Variants in SLC9A5 observed in about 807,000 individuals in gnomAD.
SLC9A5 encodes the protein solute carrier family 9 member A5, also known as sodium/hydrogen exchanger 5.
A neutral mutation model predicts 91.7 loss-of-function variants in SLC9A5; 52 were observed. The observed-to-expected ratio is 0.57, with a 90% CI of 0.45 to 0.71. The LOEUF is 0.71. Among genes scored for constraint, SLC9A5 ranks in the 30% least tolerant of loss-of-function variants. The pLI is 0.00. For missense variants in SLC9A5, 871 were observed against 1,158.9 expected (o/e 0.75, Z 3.61); for synonymous variants, 419 against 474.5 (o/e 0.88, Z 1.52).
intron 12 of SLC9A5, chr16:67,262,049 G>A: frequency 3.0e-6 from 1 of 331,148 alleles, no homozygotes; most frequent in South Asian, 2.4e-5. Context: ...ATAAGTTTGT[G>A]TGTATCCTGT....
chr16:67,256,766 C>A lies in SLC9A5; in HGVS notation c.1132+77C>A. On this transcript the variant is annotated intron_variant, in intron 6 of 15. Coordinates refer to ENST00000299798, the MANE Select transcript of SLC9A5 (RefSeq NM_004594.3). This position sits in a 1 kb window ranked among gnomAD's most constrained non-coding sequence, Gnocchi z 4.1. ...CTGCAGCTCATCTCCCTATCTGAGT[C>A]CACATCTTTGTCAATTCCTAAGCCT... 2 of 1,367,508 alleles carry A rather than the reference C, an allele frequency of 1.5e-6. No homozygotes were observed. Among genetic ancestry groups the A allele is most frequent in the South Asian group, 1.2e-5 (1 of 85,466 alleles). 84.7% of individuals were successfully genotyped at this position (1,367,508 alleles called of 1,614,324 possible).
At position 67,270,800 on chromosome 16, in the gene SLC9A5, G is replaced by C. The variant is rs779044084; in HGVS notation, c.2281G>C (p.Glu761Gln). ...CCCCTCCCCAACCTGTGCAGAAAAG[G>C]AGCTCCCCTGGAAGAGTGGGCAGGG... is the stretch of plus-strand genomic sequence containing the variant. ...IPPSPTCAEK[E>Q]LPWKSGQGDL... Residue 761 changes from glutamate to glutamine, a missense_variant, in exon 16 of 16, where the codon GAG (glutamate) becomes CAG (glutamine). Physicochemically the swap from Glu to Gln is conservative, Grantham distance 29. Coordinates refer to ENST00000299798, the MANE Select transcript of SLC9A5 (RefSeq NM_004594.3). The surrounding 1 kb of genome is among the most constrained non-coding windows in gnomAD (Gnocchi z 4.3). 1 of 1,614,062 alleles carries C rather than the reference G, an allele frequency of 6.2e-7. No individual in the cohort carries two copies. The highest frequency in any genetic ancestry group is 8.5e-7 in the Non-Finnish European group (1 of 1,179,968).
In SLC9A5 at chr16:67,271,222, G is replaced by A. The variant is rs756795558; in HGVS notation, c.*12G>A. 12 of 1,602,620 alleles carry A rather than the reference G, an allele frequency of 7.5e-6. No homozygotes were observed. The highest frequency in any genetic ancestry group is 2.2e-5 in the South Asian group (2 of 90,284). Reference sequence around the variant, plus strand: ...GCAGCCGGCTGTAGCTCAAGGCCTCGGGGAGGAGCAGGAGGTGGAATCCCT... The same window carrying A: ...GCAGCCGGCTGTAGCTCAAGGCCTCAGGGAGGAGCAGGAGGTGGAATCCCT... On this transcript the variant is annotated 3_prime_UTR_variant, in exon 16 of 16. Transcript: ENST00000299798.
intron 12 of SLC9A5, 69 bp from the exon 13 acceptor site, chr16:67,264,283 T>C (rs539608325): frequency 4.3e-6 from 6 of 1,401,454 alleles, no homozygotes; most frequent in African/African-American, 1.4e-5. Flanking sequence ...ATGTTGGGGC[T>C]GTGGCCTGGG....
rs1054639404 is a variant in SLC9A5 at position 67,257,735 on chromosome 16, T to C, written c.1496+134T>C. On this transcript the variant is annotated intron_variant, in intron 9 of 15. Transcript: ENST00000299798. The surrounding 1 kb of genome is among the most constrained non-coding windows in gnomAD (Gnocchi z 5.1). ...GTGACCTCTGCCTGAAGCCCTTCAG[T>C]GGCATCCCAGTGCTCTCAGGTTAAG... 2.3e-6 allele frequency: 2 copies of C among 878,608 alleles called. No homozygotes were observed. The highest frequency in any genetic ancestry group is 4.1e-5 in the Admixed American group (2 of 48,266). The allele number at this position is 878,608 out of a possible 1,614,324, so 54.4% of individuals were successfully genotyped here. A position where few individuals can be genotyped will look rare whatever the true frequency, so the allele number is the denominator to read the frequency against.
chr16:67,258,485 GGCAGATGGTCA>G lies in SLC9A5; in HGVS notation c.1626+44_1626+54del. On this transcript the variant is annotated intron_variant, in intron 10 of 15. Transcript: ENST00000299798. The surrounding 1 kb of genome is among the most constrained non-coding windows in gnomAD (Gnocchi z 4.5). Reference sequence around the variant, plus strand: ...CTTCCAGGTGGGCCAGTGGTGGGTGGGCAGATGGTCAGCAGAGCAGGACAGAAAGGGGTGGC... The same window carrying G: ...CTTCCAGGTGGGCCAGTGGTGGGTGGGCAGAGCAGGACAGAAAGGGGTGGC... 1 of 1,613,202 alleles carries G rather than the reference GGCAGATGGTCA, an allele frequency of 6.2e-7. No homozygotes were observed. The highest frequency in any genetic ancestry group is 1.1e-5 in the South Asian group (1 of 91,052).
At position 67,258,421 on chromosome 16, in the gene SLC9A5, C is replaced by A. The variant is rs756859968; in HGVS notation, c.1600C>A (p.Arg534=). 6.2e-7 allele frequency: 1 copy of A among 1,614,046 alleles called. No homozygotes were observed. The highest frequency in any genetic ancestry group is 1.7e-5 in the Admixed American group (1 of 60,006). The change falls in exon 10 of 16, where the codon CGG becomes AGG. Residue 534 remains arginine (R), a synonymous_variant. Coordinates refer to ENST00000299798, the MANE Select transcript of SLC9A5 (RefSeq NM_004594.3). This position sits in a 1 kb window ranked among gnomAD's most constrained non-coding sequence, Gnocchi z 4.5. The part of the protein sequence containing the change: ...IWDVYYRLNI[R]DAISFVDQGG... Reference sequence around the variant, plus strand: ...GGATGTGTACTACAGGCTTAACATCCGGGATGCCATCAGCTTTGTGGACCA... The same window carrying A: ...GGATGTGTACTACAGGCTTAACATCAGGGATGCCATCAGCTTTGTGGACCA...
chr16:67,262,705 G>A (rs1480427268), intron 12 of SLC9A5: 8 of 197,728 alleles, frequency 4.0e-5, no homozygotes, highest in Admixed American at 3.7e-4. Context: ...TTCATGGGGC[G>A]GGAGGAGGGC....
Position 67,256,179 on chromosome 16 carries a change from G to A in SLC9A5, c.911+249G>A, listed in dbSNP as rs779063571. On this transcript the variant is annotated intron_variant, in intron 5 of 15. Transcript: ENST00000299798. The surrounding 1 kb of genome is among the most constrained non-coding windows in gnomAD (Gnocchi z 4.1). ...GGGCTGGAAGTAGACTTTAAGGCCTGGGGCCACCAGCTCTGGAGGCCGCAG... is the reference window on the plus strand; with the variant it reads ...GGGCTGGAAGTAGACTTTAAGGCCTAGGGCCACCAGCTCTGGAGGCCGCAG... Among the ~76,000 whole-genome samples the A allele has an allele frequency of 1.1e-4, 16 of 152,292 alleles. No homozygotes were observed. The highest frequency in any genetic ancestry group is 9.2e-4 in the Admixed American group (14 of 15,298).
chr16:67,261,674 A>T (rs925201937), intron 12 of SLC9A5: 1 of 152,220 alleles, frequency 6.6e-6, no homozygotes, highest in Non-Finnish European at 1.5e-5. Context: ...AAAAAAATCT[A>T]TAATAGTTCT....
At chr16:67,249,457 A>G (rs2035029021) in intron 1 of SLC9A5, among the ~76,000 whole-genome samples, 1 of 152,066 alleles carries the variant, frequency 6.6e-6, no homozygotes, top group Non-Finnish European at 1.5e-5. Flanking sequence ...CTCCATCTGT[A>G]GGCTCCTTTG....
chr16:67,250,981 C>G (rs560752181), intron 1 of SLC9A5, among the ~76,000 whole-genome samples: 1 of 152,344 alleles, frequency 6.6e-6, no homozygotes, highest in Non-Finnish European at 1.5e-5. Flanking sequence ...ACAGACAGAA[C>G]TGTTCTATTT....
intron 15 of SLC9A5, among the ~76,000 whole-genome samples, chr16:67,267,083 T>G (rs1391067547): frequency 7.2e-6 from 1 of 139,498 alleles, no homozygotes; most frequent in East Asian, 2.0e-4. Context: ...CAGCTGTTGT[T>G]TTTTTTTTTT....
At chr16:67,266,886 G>A (rs11647426) in intron 15 of SLC9A5, among the ~76,000 whole-genome samples, 6,320 of 137,034 alleles carry the variant, frequency 0.046, 179 homozygotes, top group Non-Finnish European at 0.073. Context: ...TTCTTGCATT[G>A]CTATAATCTT....
rs1485729889 is a variant in SLC9A5 at position 67,270,467 on chromosome 16, A to T, written c.2219-271A>T. Among the ~76,000 whole-genome samples, 1 of 152,194 alleles carries T rather than the reference A, an allele frequency of 6.6e-6. No individual in the cohort carries two copies. Among genetic ancestry groups the T allele is most frequent in the East Asian group, 1.9e-4 (1 of 5,196 alleles). On this transcript the variant is annotated intron_variant, in intron 15 of 15. Coordinates refer to ENST00000299798, the MANE Select transcript of SLC9A5 (RefSeq NM_004594.3). This position sits in a 1 kb window ranked among gnomAD's most constrained non-coding sequence, Gnocchi z 4.3. ...CCCAAAGTGCTGGGATTACGGCATGAGCCATAAGCCAACTTTCCTTATTTT... is the reference window on the plus strand; with the variant it reads ...CCCAAAGTGCTGGGATTACGGCATGTGCCATAAGCCAACTTTCCTTATTTT...
In SLC9A5 at chr16:67,270,929, C is replaced by T. The variant is rs1160732896; in HGVS notation, c.2410C>T (p.Pro804Ser). ...CTCATCCCTGGAGAGCCTAGCGTCC[C>T]CTCCCTGTAACCAGGCCCCAATTCT... ...SISSLESLAS[P>S]PCNQAPILTC... The change falls in exon 16 of 16, where the codon CCT becomes TCT. Residue 804 changes from proline (P) to serine (S), a missense_variant. Physicochemically the swap from Pro to Ser is moderately conservative, Grantham distance 74. Coordinates refer to ENST00000299798, the MANE Select transcript of SLC9A5 (RefSeq NM_004594.3). The surrounding 1 kb of genome is among the most constrained non-coding windows in gnomAD (Gnocchi z 4.3). 6.2e-7 allele frequency: 1 copy of T among 1,614,078 alleles called. No individual in the cohort carries two copies. The highest frequency in any genetic ancestry group is 8.5e-7 in the Non-Finnish European group (1 of 1,179,982).
chr16:67,256,375 TG>T lies in SLC9A5; in HGVS notation c.912-91del. ...GCTCTGAGAGTCTGACATCCTGTAA[TG>T]GGCAATGCCCCCTCCTGCAGTATGC... On this transcript the variant is annotated intron_variant, in intron 5 of 15. Coordinates refer to ENST00000299798, the MANE Select transcript of SLC9A5 (RefSeq NM_004594.3). This position sits in a 1 kb window ranked among gnomAD's most constrained non-coding sequence, Gnocchi z 4.1. The T allele has an allele frequency of 1.2e-6, 1 of 842,704 alleles. No homozygotes were observed. The allele number at this position is 842,704 out of a possible 1,614,324, so 52.2% of individuals were successfully genotyped here.
At chr16:67,259,769 T>C in intron 11 of SLC9A5, 51 bp from the exon 12 acceptor site, 1 of 1,603,572 alleles carries the variant, frequency 6.2e-7, no homozygotes, top group Non-Finnish European at 8.5e-7. Flanking sequence ...GCCCTTCTCC[T>C]GGACTGCCTC....
intron 12 of SLC9A5, among the ~76,000 whole-genome samples, chr16:67,260,577 C>A (rs148712506): frequency 6.6e-6 from 1 of 151,772 alleles, no homozygotes; most frequent in Non-Finnish European, 1.5e-5. Flanking sequence ...TAGGGCTGAG[C>A]GGTGGGAAAG....
Sources: gnomAD v4.1 joint callset for allele counts (sites outside exome capture counted in the v4.1 genomes callset) on GRCh38, gnomAD v4.1.1 for gene constraint, Gnocchi (gnomAD v3.1) non-coding constraint, MANE v1.5 for transcripts, NCBI Gene and HGNC (gene_info 2026-07-23, HGNC 2026-07-21) for gene names.